The following FLT1 variants were observed in gnomAD, a reference collection of about 807,000 sequenced individuals.
FLT1 encodes vascular endothelial growth factor receptor 1.
In FLT1, 49 loss-of-function variants were observed where a neutral mutation model predicts 156.3. That is an observed-to-expected ratio of 0.31 (90% confidence interval 0.25 to 0.40). The LOEUF (loss-of-function observed/expected upper bound fraction) is 0.40. Among genes scored for constraint, FLT1 ranks in the 10% least tolerant of loss-of-function variants. The pLI, the probability that FLT1 is intolerant of heterozygous loss-of-function variation, is 1.00. For synonymous variants in FLT1, 594 were observed against 583.8 expected (o/e 1.02, Z -0.25); for missense variants, 1,322 against 1,637.2 (o/e 0.81, Z 3.32).
At chr13:28,457,960 A>T in intron 3 of FLT1, among the ~76,000 whole-genome samples, 1 of 82,400 alleles carries the variant, frequency 1.2e-5, no homozygotes. Flanking sequence ...TTTGTGATGG[A>T]GTCTTGCTCT....
At chr13:28,324,279 T>C (rs1871590415) in intron 20 of FLT1, among the ~76,000 whole-genome samples, 1 of 152,204 alleles carries the variant, frequency 6.6e-6, no homozygotes, top group African/African-American at 2.4e-5. Flanking sequence ...TGGAGTTCAG[T>C]GGTGTCCCTT....
intron 3 of FLT1, among the ~76,000 whole-genome samples, chr13:28,465,944 C>A (rs1456057809): frequency 6.6e-6 from 1 of 152,184 alleles, no homozygotes; most frequent in Non-Finnish European, 1.5e-5. Context: ...AGAAGGTAGA[C>A]CCACAATGTA....
chr13:28,464,140 C>G (rs902990111), intron 3 of FLT1, among the ~76,000 whole-genome samples: 2 of 152,096 alleles, frequency 1.3e-5, no homozygotes, highest in African/African-American at 4.8e-5. Context: ...AATTTTTCCA[C>G]CAAGCTCATA....
chr13:28,491,125 G>A (rs774157126), intron 1 of FLT1, among the ~76,000 whole-genome samples: 19 of 84,984 alleles, frequency 2.2e-4, no homozygotes, highest in South Asian at 3.4e-4. Flanking sequence ...AACCTTCCTC[G>A]AGGACATTAC....
chr13:28,364,903 G>C (rs1049941725), intron 14 of FLT1, among the ~76,000 whole-genome samples: 1 of 152,054 alleles, frequency 6.6e-6, no homozygotes, highest in African/African-American at 2.4e-5. Flanking sequence ...TTTCAAAATG[G>C]TCTTGACTAT....
In FLT1 at chr13:28,389,937, C is replaced by A. The variant is rs1194092324; in HGVS notation, c.1828G>T (p.Ala610Ser). ...GTGATGGAGTGCTCCTTAGTGATGG[C>A]CATTTTTTGCTTGCTAATACTGTAG... ...MHYSISKQKM[A>S]ITKEHSITLN... is the part of the protein sequence containing the mutation. The change falls in exon 13 of 30, where the codon GCC (alanine) becomes TCC (serine). Residue 610 changes from alanine (A) to serine (S), a missense_variant. Ala to Ser is a moderately conservative substitution (Grantham distance 99). This residue lies in a region of FLT1 where 991 missense variants were observed against 1,254.8 expected (regional missense o/e 0.79). Transcript: ENST00000282397. 1 of 1,614,076 alleles carries A rather than the reference C, an allele frequency of 6.2e-7. No individual in the cohort carries two copies. Among genetic ancestry groups the A allele is most frequent in the Admixed American group, 1.7e-5 (1 of 60,008 alleles).
intron 14 of FLT1, among the ~76,000 whole-genome samples, chr13:28,374,996 C>G (rs1873782554): frequency 6.6e-6 from 1 of 152,120 alleles, no homozygotes. Flanking sequence ...TCAGTTGGAC[C>G]TTACTGTGGC....
chr13:28,461,097 T>C (rs1879550186), intron 3 of FLT1, among the ~76,000 whole-genome samples: 1 of 151,120 alleles, frequency 6.6e-6, no homozygotes. Context: ...CCCAGCCTCC[T>C]AAATAGCTGA....
chr13:28,412,381 T>TTTCTTTCCTTCCTTCC (rs1555236530), intron 10 of FLT1, among the ~76,000 whole-genome samples: 2 of 88,208 alleles, frequency 2.3e-5, no homozygotes, highest in African/African-American at 7.6e-5. Flanking sequence ...TCTTTCTTTC[T>TTTCTTTCCTTCCTTCC]TTCTTTCTTT....
intron 18 of FLT1, 132 bp from the exon 19 acceptor site, chr13:28,329,860 A>G: frequency 4.0e-6 from 3 of 746,132 alleles, no homozygotes; most frequent in South Asian, 3.0e-5. Context: ...TTCTGCAGAA[A>G]GGCCAAGTCT....
At chr13:28,372,801 G>A (rs965139080) in intron 14 of FLT1, among the ~76,000 whole-genome samples, 2 of 151,612 alleles carry the variant, frequency 1.3e-5, no homozygotes, top group African/African-American at 4.8e-5. Flanking sequence ...AGAATCGCTT[G>A]AACCCAGGAG....
chr13:28,382,645 C>T (rs372778773), intron 14 of FLT1, among the ~76,000 whole-genome samples: 46 of 151,818 alleles, frequency 3.0e-4, no homozygotes, highest in African/African-American at 1.0e-3. Flanking sequence ...GTGTCTGGAC[C>T]GAGAGAATAA....
In FLT1 at chr13:28,339,274, G is replaced by A. The variant is rs147704881; in HGVS notation, c.2382C>T (p.Tyr794=). The change falls in exon 17 of 30, where the codon TAC becomes TAT. Residue 794 remains tyrosine (Y), a synonymous_variant. Coordinates refer to ENST00000282397, the MANE Select transcript of FLT1 (RefSeq NM_002019.4). ...CATCTGGGTCCATTATAATTGATAGGTAGTCAGTCTTTATTTCAGAAGAAG... is the reference window on the plus strand; with the variant it reads ...CATCTGGGTCCATTATAATTGATAGATAGTCAGTCTTTATTTCAGAAGAAG... ...KRSSSEIKTD[Y]LSIIMDPDEV... The A allele has an allele frequency of 1.6e-3, 2,542 of 1,613,100 alleles. 1 individual carries two copies. Among genetic ancestry groups the A allele is most frequent in the Non-Finnish European group, 1.9e-3 (2,293 of 1,179,176 alleles).
intron 12 of FLT1, among the ~76,000 whole-genome samples, chr13:28,396,509 A>G (rs140161906): frequency 1.9e-4 from 29 of 152,348 alleles, no homozygotes; most frequent in Non-Finnish European, 2.9e-4. Flanking sequence ...TCAGATTGCT[A>G]CAGAGCCTCA....
intron 28 of FLT1, among the ~76,000 whole-genome samples, chr13:28,307,239 T>G (rs1870786603): frequency 6.6e-6 from 1 of 152,166 alleles, no homozygotes; most frequent in Admixed American, 6.5e-5. Flanking sequence ...TTGGTCATGG[T>G]CTCCAGCAAT....
chr13:28,300,420 C>T lies in FLT1; in HGVS notation c.*2747G>A. On this transcript the variant is annotated 3_prime_UTR_variant, in exon 30 of 30. Coordinates refer to ENST00000282397, the MANE Select transcript of FLT1 (RefSeq NM_002019.4). ...TCATGACTAGAAATATAGGACCAAA[C>T]CATGTCTGTCTTATATCTGTAGCAT... 1 of 233,070 alleles carries T rather than the reference C, an allele frequency of 4.3e-6. No homozygotes were observed. The highest frequency in any genetic ancestry group is 6.0e-5 in the East Asian group (1 of 16,572). 14.4% of individuals were successfully genotyped at this position (233,070 alleles called of 1,614,324 possible).
At chr13:28,399,226 A>C in intron 11 of FLT1, 2 of 616,806 alleles carry the variant, frequency 3.2e-6, no homozygotes, top group Non-Finnish European at 5.4e-6. Context: ...CAAGGAGCTC[A>C]GATGAAGCCT....
At position 28,411,245 on chromosome 13, in the gene FLT1, C is replaced by T. The variant is rs189917058; in HGVS notation, c.1437-5351G>A. ...ACTCTTTACCTTCTACTGGCTGATA[C>T]ATTTTATCATTAAAAAAAAAATCTG... On this transcript the variant is annotated intron_variant, in intron 10 of 29. Transcript: ENST00000282397. 1.7e-3 allele frequency among the ~76,000 whole-genome samples: 261 copies of T among 151,766 alleles called. 1 individual carries two copies. The highest frequency in any genetic ancestry group is 6.0e-3 in the African/African-American group (250 of 41,380).
chr13:28,319,635 A>C, intron 23 of FLT1, 101 bp from the exon 24 acceptor site: 1 of 725,804 alleles, frequency 1.4e-6, no homozygotes, highest in South Asian at 1.5e-5. Context: ...TACGGCCTAT[A>C]AATCATTTCC....
Sources: gnomAD v4.1 joint callset for allele counts (sites outside exome capture counted in the v4.1 genomes callset) on GRCh38, gnomAD v4.1.1 for gene constraint, gnomAD v4.1.1 regional missense constraint, MANE v1.5 for transcripts, NCBI Gene and HGNC (gene_info 2026-07-23, HGNC 2026-07-21) for gene names.